The following PRDM16 variants were observed in gnomAD, a reference collection of about 807,000 sequenced individuals.
PRDM16 encodes the protein histone-lysine N-methyltransferase PRDM16.
PRDM16 carries 23 observed loss-of-function variants against 110.6 expected under a neutral mutation model. The ratio of observed to expected loss-of-function variants is 0.21; its 90% confidence interval spans 0.15 to 0.29. The LOEUF is 0.29. Among genes scored for constraint, PRDM16 ranks in the 10% least tolerant of loss-of-function variants. The pLI, the probability that PRDM16 is intolerant of heterozygous loss-of-function variation, is 1.00. For missense variants in PRDM16, 1,615 were observed against 1,794.3 expected (o/e 0.90, Z 1.81); for synonymous variants, 799 against 781.8 (o/e 1.02, Z -0.37).
Position 3,414,611 on chromosome 1 carries a change from G to A in PRDM16, c.2655G>A (p.Lys885=), listed in dbSNP as rs1230651522. The change falls in exon 10 of 17, where the codon AAG becomes AAA. Residue 885 remains lysine, a synonymous_variant. Transcript: ENST00000270722. ...ACCCCGTGGGAGCCCTGAAGGAGAA[G>A]TACCTGCGGCCGTCCCCGCTGCTCT... The part of the protein sequence containing the change: ...VTDPVGALKE[K]YLRPSPLLFH... 6.2e-7 allele frequency: 1 copy of A among 1,613,502 alleles called. No homozygotes were observed.
intron 3 of PRDM16, among the ~76,000 whole-genome samples, chr1:3,273,388 C>T (rs189949539): frequency 2.4e-4 from 37 of 152,292 alleles, no homozygotes; most frequent in African/African-American, 8.4e-4. Context: ...GTGCCCTTGG[C>T]ATACTCTGAT....
chr1:3,255,993 C>T lies in PRDM16; in HGVS notation c.438+11856C>T, dbSNP rs1051857207. ...GCCTCTCAGGGGAGGGACAGGATTACGTGGCAGAGAGCAGGTATGTGGCAC... is the reference window on the plus strand; with the variant it reads ...GCCTCTCAGGGGAGGGACAGGATTATGTGGCAGAGAGCAGGTATGTGGCAC... On this transcript the variant is annotated intron_variant, in intron 3 of 16. Coordinates refer to ENST00000270722, the MANE Select transcript of PRDM16 (RefSeq NM_022114.4). This position sits in a 1 kb window ranked among gnomAD's most constrained non-coding sequence, Gnocchi z 4.7. Among the ~76,000 whole-genome samples, 3 of 152,102 alleles carry T rather than the reference C, an allele frequency of 2.0e-5. No individual in the cohort carries two copies. Among genetic ancestry groups the T allele is most frequent in the Admixed American group, 1.3e-4 (2 of 15,268 alleles).
chr1:3,414,791 G>T, intron 10 of PRDM16, 144 bp downstream of exon 10: 1 of 659,708 alleles, frequency 1.5e-6, no homozygotes, highest in Non-Finnish European at 2.7e-6. Flanking sequence ...AGGCAGAGGA[G>T]GATTCTCTCC....
intron 1 of PRDM16, among the ~76,000 whole-genome samples, chr1:3,088,433 T>C (rs2100592170): frequency 6.7e-6 from 1 of 149,510 alleles, no homozygotes; most frequent in East Asian, 1.9e-4. Flanking sequence ...TCTTGGGAGA[T>C]GCAGGGATTC....
chr1:3,361,495 G>A (rs1642712915), intron 3 of PRDM16, among the ~76,000 whole-genome samples: 1 of 152,248 alleles, frequency 6.6e-6, no homozygotes, highest in Non-Finnish European at 1.5e-5. Context: ...ACAAAGAAAA[G>A]GGTATCTGTG....
At position 3,181,022 on chromosome 1, in the gene PRDM16, GGTCTTACACGCGGTCTTACACACGCA is replaced by G. The variant is rs1285427796; in HGVS notation, c.38-5079_38-5054del. 3.2e-4 allele frequency among the ~76,000 whole-genome samples: 39 copies of G among 121,716 alleles called. 1 individual carries two copies. The highest frequency in any genetic ancestry group is 6.3e-4 in the South Asian group (2 of 3,162). The allele number at this position is 121,716 out of a possible 152,430, so 79.9% of individuals were successfully genotyped here. A position where few individuals can be genotyped will look rare whatever the true frequency, so the allele number is the denominator to read the frequency against. ...ATCTTACACGCGGTCTTACAAATGCGGTCTTACACGCGGTCTTACACACGCAGTCTTACACGCGGTCTTACACACCC... is the reference window on the plus strand; with the variant it reads ...ATCTTACACGCGGTCTTACAAATGCGGTCTTACACGCGGTCTTACACACCC... On this transcript the variant is annotated intron_variant, in intron 1 of 16. Transcript: ENST00000270722.
intron 1 of PRDM16, among the ~76,000 whole-genome samples, chr1:3,169,239 G>A (rs1004810911): frequency 3.3e-5 from 5 of 152,084 alleles, no homozygotes; most frequent in East Asian, 1.9e-4. Flanking sequence ...TTGGAACCTC[G>A]GGAAGAAACA....
intron 1 of PRDM16, among the ~76,000 whole-genome samples, chr1:3,146,437 T>G (rs1216279179): frequency 7.9e-5 from 12 of 152,006 alleles, no homozygotes; most frequent in Admixed American, 7.9e-4. Context: ...GTGTGAGGGG[T>G]GTGTGTGCAC....
At chr1:3,298,243 A>G (rs1367878385) in intron 3 of PRDM16, among the ~76,000 whole-genome samples, 1 of 152,150 alleles carries the variant, frequency 6.6e-6, no homozygotes, top group Non-Finnish European at 1.5e-5. Flanking sequence ...TCCTCCGCAA[A>G]TGCACCTCGT....
rs1553180095 is a variant in PRDM16, at chr1:3,430,930, C to CAGGAGGACGTGGAGG, written c.3353_3367dup (p.Val1118_Asp1122dup). On this transcript the variant is annotated inframe_insertion, in exon 15 of 17. Coordinates refer to ENST00000270722, the MANE Select transcript of PRDM16 (RefSeq NM_022114.4). ...GTGTCCAGGCCTAGCCAGTGAGAAG[C>CAGGAGGACGTGGAGG]AGGAGGACGTGGAGGAGGAGGACGA... 2.5e-6 allele frequency: 4 copies of CAGGAGGACGTGGAGG among 1,614,000 alleles called. No individual in the cohort carries two copies. The African/African-American group carries it at 5.3e-5, about 22-fold the overall frequency.
chr1:3,336,118 G>A (rs116969072), intron 3 of PRDM16, among the ~76,000 whole-genome samples: 2 of 152,368 alleles, frequency 1.3e-5, no homozygotes, highest in East Asian at 1.9e-4. Context: ...GAGAGAGGGT[G>A]TGGGGTCTGA....
intron 3 of PRDM16, among the ~76,000 whole-genome samples, chr1:3,334,524 C>T (rs914023852): frequency 2.8e-4 from 43 of 152,174 alleles, no homozygotes; most frequent in African/African-American, 8.9e-4. Context: ...CCTGGCTGGC[C>T]GCCATCAACT....
chr1:3,173,884 G>A lies in PRDM16; in HGVS notation c.38-12241G>A, dbSNP rs556259368. Among the ~76,000 whole-genome samples, 17 of 152,324 alleles carry A rather than the reference G, an allele frequency of 1.1e-4. 2 individuals are homozygous for A. In the South Asian group the frequency reaches 3.5e-3, roughly 32 times the overall value. ...GAAGGGGGCCAACAACCTGCTTCAGGGCACCAGGAGCACGTTACAGCCAGA... is the reference window on the plus strand; with the variant it reads ...GAAGGGGGCCAACAACCTGCTTCAGAGCACCAGGAGCACGTTACAGCCAGA... On this transcript the variant is annotated intron_variant, in intron 1 of 16. Coordinates refer to ENST00000270722, the MANE Select transcript of PRDM16 (RefSeq NM_022114.4).
In PRDM16 at chr1:3,411,406, C is replaced by T. The variant is rs1165059665; in HGVS notation, c.1209C>T (p.Tyr403=). ...PFICEVCHKS[Y]TQFSNLCRHK... is the part of the protein sequence containing the mutation. ...TAGGTGAGGTCTGCCACAAGTCCTA[C>T]ACGCAGTTCTCCAACCTGTGCCGGC... The change falls in exon 9 of 17, where the codon TAC becomes TAT. Residue 403 remains tyrosine, a synonymous_variant. Coordinates refer to ENST00000270722, the MANE Select transcript of PRDM16 (RefSeq NM_022114.4). 1 of 1,612,874 alleles carries T rather than the reference C, an allele frequency of 6.2e-7. No individual in the cohort carries two copies. Among genetic ancestry groups the T allele is most frequent in the Non-Finnish European group, 8.5e-7 (1 of 1,178,902 alleles).
intron 1 of PRDM16, among the ~76,000 whole-genome samples, chr1:3,123,384 C>T (rs1236148976): frequency 6.6e-6 from 1 of 152,222 alleles, no homozygotes; most frequent in East Asian, 1.9e-4. Flanking sequence ...AGTGTGGCAC[C>T]CGTGCAGAGG....
intron 3 of PRDM16, among the ~76,000 whole-genome samples, chr1:3,315,148 C>G (rs987024321): frequency 2.6e-5 from 4 of 151,574 alleles, no homozygotes; most frequent in East Asian, 2.0e-4. Flanking sequence ...CTTTCTCCCC[C>G]GCTTCACTCC....
At chr1:3,168,785 A>G (rs921205039) in intron 1 of PRDM16, among the ~76,000 whole-genome samples, 1 of 152,164 alleles carries the variant, frequency 6.6e-6, no homozygotes. Flanking sequence ...CGGCCCATGG[A>G]AAGTGCTCTG....
At chr1:3,385,801 G>A (rs911346680) in intron 4 of PRDM16, among the ~76,000 whole-genome samples, 1 of 152,194 alleles carries the variant, frequency 6.6e-6, no homozygotes, top group Non-Finnish European at 1.5e-5. Context: ...GGCCTTTTTG[G>A]CACAAAGTCC....
At chr1:3,230,746 G>T (rs577534751) in intron 2 of PRDM16, among the ~76,000 whole-genome samples, 1 of 152,202 alleles carries the variant, frequency 6.6e-6, no homozygotes, top group East Asian at 1.9e-4. Context: ...TGCCTGTCTC[G>T]CTGGCTGTGT....
Sources: gnomAD v4.1 joint callset for allele counts (sites outside exome capture counted in the v4.1 genomes callset) on GRCh38, gnomAD v4.1.1 for gene constraint, Gnocchi (gnomAD v3.1) non-coding constraint, MANE v1.5 for transcripts, NCBI Gene and HGNC (gene_info 2026-07-23, HGNC 2026-07-21) for gene names.